TULP4: variants seen among roughly 807,000 people sequenced by gnomAD.
TULP4 encodes the protein TUB like protein 4.
Under a neutral mutation model 129.0 loss-of-function variants are expected in TULP4, and 16 were observed. The ratio of observed to expected loss-of-function variants is 0.12; its 90% CI spans 0.08 to 0.19. The LOEUF (loss-of-function observed/expected upper bound fraction) is 0.19. TULP4 is among the 10% of genes least tolerant of loss of function. The pLI is 1.00. For missense variants in TULP4, 1,842 were observed against 2,059.1 expected (o/e 0.89, Z 2.04); for synonymous variants, 998 against 854.0 (o/e 1.17, Z -2.94).
chr6:158,401,567 G>T (rs1439750251), intron 1 of TULP4, among the ~76,000 whole-genome samples: 1 of 151,534 alleles, frequency 6.6e-6, no homozygotes, highest in African/African-American at 2.4e-5. Flanking sequence ...GTTGTGCCGA[G>T]CCTCTTTCAT....
chr6:158,499,184 T>C (rs1780393777), intron 12 of TULP4, among the ~76,000 whole-genome samples: 1 of 152,220 alleles, frequency 6.6e-6, no homozygotes, highest in African/African-American at 2.4e-5. Context: ...CTCAATCTCA[T>C]TGATCTAGGC....
At chr6:158,477,807 A>G (rs1032864361) in intron 6 of TULP4, among the ~76,000 whole-genome samples, 5 of 152,220 alleles carry the variant, frequency 3.3e-5, no homozygotes, top group African/African-American at 7.2e-5. Flanking sequence ...CCATGCATGC[A>G]TATGTTCATT....
chr6:158,242,107 C>T (rs1488977805), intron 1 of TULP4: 1 of 840,234 alleles, frequency 1.2e-6, no homozygotes. Flanking sequence ...CTCTGTTTGA[C>T]CCTGAAGCTG....
chr6:158,449,078 C>G lies in TULP4; in HGVS notation c.626C>G (p.Ser209Ter). ...RMLAHVLLHE[S>*]DGVLGMSWNY... ...CTGGCCCACGTCCTCTTGCACGAGT[C>G]AGACGGTGTCCTCGGCATGTCCTGG... Residue 209 changes from serine to a stop codon, truncating the protein, a stop_gained, in exon 4 of 14, where the codon TCA becomes TGA. Transcript: ENST00000367097. LOFTEE classifies it high-confidence loss of function. 2 of 1,614,088 alleles carry G rather than the reference C, an allele frequency of 1.2e-6. No homozygotes were observed. The highest frequency in any genetic ancestry group is 1.7e-6 in the Non-Finnish European group (2 of 1,179,990).
In TULP4 at chr6:158,502,768, C is replaced by T. The variant is rs757945729; in HGVS notation, c.3105C>T (p.Tyr1035=). 1.1e-5 allele frequency: 17 copies of T among 1,604,740 alleles called. No homozygotes were observed. The highest frequency in any genetic ancestry group is 6.7e-5 in the Admixed American group (4 of 59,790). The change falls in exon 13 of 14, where the codon TAC becomes TAT. Residue 1035 remains tyrosine (Y), a synonymous_variant. Coordinates refer to ENST00000367097, the MANE Select transcript of TULP4 (RefSeq NM_020245.5). The part of the protein sequence containing the change: ...QLPARPPPAL[Y]TCSQCSGTGP... ...CAGCGCGGCCCCCACCTGCCCTGTA[C>T]ACCTGCAGTCAGTGCAGTGGCACAG...
intron 2 of TULP4, among the ~76,000 whole-genome samples, chr6:158,426,877 G>T (rs1324922975): frequency 1.3e-5 from 2 of 152,082 alleles, no homozygotes; most frequent in Non-Finnish European, 1.5e-5. Flanking sequence ...CCATTTGTTT[G>T]TGTCATCTCT....
chr6:158,252,085 A>G (rs9295376), intron 1 of TULP4, among the ~76,000 whole-genome samples: 49,890 of 152,004 alleles, frequency 0.33, 9,160 homozygotes, highest in Admixed American at 0.45. Flanking sequence ...TGTGTGAAGC[A>G]GTTGTAGCAG....
intron 1 of TULP4, among the ~76,000 whole-genome samples, chr6:158,287,280 G>T (rs1486307506): frequency 6.6e-6 from 1 of 152,092 alleles, no homozygotes; most frequent in East Asian, 1.9e-4. Context: ...TTCTGTCGTG[G>T]CAGTAAAAAG....
intron 1 of TULP4, among the ~76,000 whole-genome samples, chr6:158,335,458 A>AT (rs55674460): frequency 0.93 from 141,832 of 152,070 alleles, 66,226 homozygotes; most frequent in Admixed American, 0.95. Flanking sequence ...CTTCATTCTT[A>AT]TGATTTTATG....
At chr6:158,454,938 T>C (rs922479604) in intron 5 of TULP4, among the ~76,000 whole-genome samples, 2 of 151,986 alleles carry the variant, frequency 1.3e-5, no homozygotes, top group East Asian at 1.9e-4. Context: ...TGCAACCATA[T>C]GTGCAATATA....
chr6:158,238,089 C>A, intron 1 of TULP4: 1 of 716,702 alleles, frequency 1.4e-6, no homozygotes, highest in South Asian at 1.4e-5. Context: ...TTCATGGCTA[C>A]ACATGGTCAC....
intron 1 of TULP4, among the ~76,000 whole-genome samples, chr6:158,330,276 G>A (rs1326947196): frequency 1.3e-5 from 2 of 152,204 alleles, no homozygotes; most frequent in Non-Finnish European, 2.9e-5. Context: ...CTTTTTGAGG[G>A]CTGTGGCAGA....
chr6:158,325,347 C>T (rs1265775476), intron 1 of TULP4, among the ~76,000 whole-genome samples: 1 of 135,150 alleles, frequency 7.4e-6, no homozygotes, highest in Non-Finnish European at 1.5e-5. Context: ...ATTTGAGGAA[C>T]AGCTTTTCTT....
At chr6:158,257,794 C>A (rs1778276584) in intron 1 of TULP4, among the ~76,000 whole-genome samples, 1 of 152,220 alleles carries the variant, frequency 6.6e-6, no homozygotes, top group Non-Finnish European at 1.5e-5. Context: ...ATTATACTCT[C>A]AAAGCAGCGG....
intron 6 of TULP4, among the ~76,000 whole-genome samples, chr6:158,470,337 G>C (rs573617472): frequency 7.9e-5 from 12 of 152,218 alleles, no homozygotes; most frequent in Non-Finnish European, 1.8e-4. Context: ...ATTTAATAGA[G>C]TGAAATAGAG....
Position 158,411,207 on chromosome 6 carries a change from G to T in TULP4, c.253-1858G>T, listed in dbSNP as rs1004215347. The stretch of plus-strand genomic sequence containing the variant: ...TAGTTCAAAGATATAAGTTAACAAG[G>T]ATTACAACTTCTAATGATATATTAT... On this transcript the variant is annotated intron_variant, in intron 1 of 13. Transcript: ENST00000367097. Among the ~76,000 whole-genome samples, 3 of 151,722 alleles carry T rather than the reference G, an allele frequency of 2.0e-5. No individual in the cohort carries two copies. The South Asian group carries it at 6.3e-4, about 32-fold the overall frequency.
intron 6 of TULP4, among the ~76,000 whole-genome samples, chr6:158,476,469 C>T (rs889172630): frequency 5.3e-5 from 8 of 152,284 alleles, no homozygotes; most frequent in Admixed American, 2.6e-4. Context: ...TTCGCGTCTT[C>T]TCACTCCTGC....
At chr6:158,239,990 G>A (rs1777834564) in intron 1 of TULP4, among the ~76,000 whole-genome samples, 1 of 114,340 alleles carries the variant, frequency 8.7e-6, no homozygotes, top group East Asian at 3.1e-4. Flanking sequence ...GCTGGGCGGG[G>A]GGCTGACCCC....
At chr6:158,337,128 C>CTT (rs34480077) in intron 1 of TULP4, among the ~76,000 whole-genome samples, 45,304 of 73,854 alleles carry the variant, frequency 0.61, 18,424 homozygotes, top group South Asian at 0.73. Context: ...CTTTCTTTCT[C>CTT]TTTTTTTTTT....
Sources: gnomAD v4.1 joint callset for allele counts (sites outside exome capture counted in the v4.1 genomes callset) on GRCh38, gnomAD v4.1.1 for gene constraint, MANE v1.5 for transcripts, NCBI Gene and HGNC (gene_info 2026-07-23, HGNC 2026-07-21) for gene names.